The following CSMD2 variants were observed in gnomAD, a reference collection of about 807,000 sequenced individuals.
CSMD2 encodes CUB and sushi domain-containing protein 2.
A neutral mutation model predicts 398.5 loss-of-function variants in CSMD2; 130 were observed. That is an observed-to-expected ratio of 0.33 (90% CI 0.28 to 0.38). CSMD2 has a LOEUF of 0.38. Ranked by LOEUF, CSMD2 falls within the 10% of genes least tolerant of loss-of-function variation. The pLI is 1.00. For missense variants in CSMD2, 3,829 were observed against 4,764.9 expected (o/e 0.80, Z 5.78); for synonymous variants, 1,828 against 1,908.5 (o/e 0.96, Z 1.10).
intron 57 of CSMD2, among the ~76,000 whole-genome samples, chr1:33,543,700 T>TA (rs1391490074): frequency 6.6e-6 from 1 of 152,258 alleles, no homozygotes; most frequent in Non-Finnish European, 1.5e-5. Context: ...GGTGATATTC[T>TA]AATTCTATCC....
intron 41 of CSMD2, among the ~76,000 whole-genome samples, chr1:33,610,249 C>A (rs1178948110): frequency 9.0e-5 from 13 of 144,150 alleles, no homozygotes; most frequent in South Asian, 2.2e-4. Context: ...TTTTTACAAA[C>A]ATGAATTAGT....
chr1:33,737,110 G>C (rs180952558), intron 15 of CSMD2, among the ~76,000 whole-genome samples: 1 of 152,286 alleles, frequency 6.6e-6, no homozygotes, highest in African/African-American at 2.4e-5. Flanking sequence ...TTCCCCTGTT[G>C]CCAGTGAGGG....
chr1:33,890,069 A>C (rs1411077423), intron 5 of CSMD2, among the ~76,000 whole-genome samples: 1 of 152,108 alleles, frequency 6.6e-6, no homozygotes, highest in East Asian at 1.9e-4. Flanking sequence ...GAAATGAATC[A>C]AAATGTTCAT....
intron 25 of CSMD2, among the ~76,000 whole-genome samples, chr1:33,675,887 G>A (rs1470643395): frequency 6.6e-6 from 1 of 152,096 alleles, no homozygotes; most frequent in Admixed American, 6.5e-5. Context: ...ATGCAGAAAA[G>A]GCCTTTGACA....
At chr1:33,549,035 T>C (rs1473174961) in intron 56 of CSMD2, among the ~76,000 whole-genome samples, 1 of 152,176 alleles carries the variant, frequency 6.6e-6, no homozygotes, top group Non-Finnish European at 1.5e-5. Flanking sequence ...GTGTCTGGGA[T>C]TTCCTGGGCA....
At chr1:33,548,855 A>T (rs1369902659) in intron 56 of CSMD2, among the ~76,000 whole-genome samples, 1 of 152,154 alleles carries the variant, frequency 6.6e-6, no homozygotes, top group African/African-American at 2.4e-5. Context: ...TATCACTTCT[A>T]CCAGATGTCC....
intron 3 of CSMD2, among the ~76,000 whole-genome samples, chr1:34,014,989 T>C (rs915177843): frequency 2.0e-5 from 3 of 152,206 alleles, no homozygotes; most frequent in Non-Finnish European, 4.4e-5. Context: ...AAAGAAAATA[T>C]GTATTCTCCC....
At chr1:34,060,879 C>A (rs1002738782) in intron 2 of CSMD2, among the ~76,000 whole-genome samples, 10 of 152,114 alleles carry the variant, frequency 6.6e-5, no homozygotes, top group Non-Finnish European at 1.3e-4. Flanking sequence ...GTCCCTGTTC[C>A]TCCCCTAGCC....
At chr1:34,047,376 C>G (rs72667710) in intron 2 of CSMD2, among the ~76,000 whole-genome samples, 21 of 152,262 alleles carry the variant, frequency 1.4e-4, no homozygotes, top group Non-Finnish European at 2.2e-4. Context: ...TTCACATACC[C>G]TTTACACCGA....
chr1:33,724,794 G>T, intron 17 of CSMD2, 90 bp from the exon 18 acceptor site: 1 of 1,267,604 alleles, frequency 7.9e-7, no homozygotes, highest in Non-Finnish European at 1.1e-6. Context: ...AGAGAGCCCT[G>T]GTTTATTAAA....
At chr1:33,686,762 A>G (rs796994999) in intron 25 of CSMD2, among the ~76,000 whole-genome samples, 5 of 152,304 alleles carry the variant, frequency 3.3e-5, no homozygotes, top group African/African-American at 1.2e-4. Flanking sequence ...GCCCCTGGAA[A>G]TAGCCTCATC....
At chr1:33,649,513 A>C (rs1266093570) in intron 28 of CSMD2, among the ~76,000 whole-genome samples, 1 of 152,070 alleles carries the variant, frequency 6.6e-6, no homozygotes, top group Non-Finnish European at 1.5e-5. Flanking sequence ...GTGTGGTGGC[A>C]TGCACCTGTA....
intron 13 of CSMD2, among the ~76,000 whole-genome samples, chr1:33,764,577 C>G (rs1255978167): frequency 2.0e-5 from 3 of 152,168 alleles, no homozygotes; most frequent in East Asian, 3.9e-4. Flanking sequence ...CTGGGGCTAT[C>G]TGTAGGTCAA....
chr1:34,021,845 G>A (rs1408755000), intron 3 of CSMD2, among the ~76,000 whole-genome samples: 1 of 152,168 alleles, frequency 6.6e-6, no homozygotes, highest in African/African-American at 2.4e-5. Context: ...GCTAAGGGGT[G>A]GTTAGGAGCA....
chr1:34,145,812 G>A lies in CSMD2; in HGVS notation c.187+19099C>T, dbSNP rs531254269. On this transcript the variant is annotated intron_variant, in intron 1 of 70. Coordinates refer to ENST00000373381, the MANE Select transcript of CSMD2 (RefSeq NM_001281956.2). ...CCCAGGCTAGGGAGGGCTTCCAAGGGACCAGACGCCTGTTCTACCTGAAAC... is the reference window on the plus strand; with the variant it reads ...CCCAGGCTAGGGAGGGCTTCCAAGGAACCAGACGCCTGTTCTACCTGAAAC... Among the ~76,000 whole-genome samples, 8 of 152,256 alleles carry A rather than the reference G, an allele frequency of 5.3e-5. No homozygotes were observed. The South Asian group carries it at 8.3e-4, about 16-fold the overall frequency.
intron 5 of CSMD2, among the ~76,000 whole-genome samples, chr1:33,881,865 CA>C (rs1480231265): frequency 6.6e-6 from 1 of 152,100 alleles, no homozygotes; most frequent in Non-Finnish European, 1.5e-5. Context: ...CTATATTAAG[CA>C]TTTTCAAATT....
At chr1:33,639,164 G>A (rs1271319048) in intron 29 of CSMD2, among the ~76,000 whole-genome samples, 3 of 152,174 alleles carry the variant, frequency 2.0e-5, no homozygotes, top group Non-Finnish European at 2.9e-5. Flanking sequence ...ATCTTGGATC[G>A]GAGATAACGT....
At chr1:34,075,241 C>T (rs1032818484) in intron 2 of CSMD2, among the ~76,000 whole-genome samples, 1 of 152,220 alleles carries the variant, frequency 6.6e-6, no homozygotes, top group Non-Finnish European at 1.5e-5. Context: ...AGACTTTTCC[C>T]TCATCCCCAT....
chr1:33,750,804 T>C (rs1046300332), intron 13 of CSMD2, among the ~76,000 whole-genome samples: 1 of 152,162 alleles, frequency 6.6e-6, no homozygotes, highest in Non-Finnish European at 1.5e-5. Flanking sequence ...CTTCATTCCA[T>C]GTACCAGAGA....
Sources: allele counts gnomAD v4.1 joint callset (sites outside exome capture counted in the v4.1 genomes callset), GRCh38; gene constraint gnomAD v4.1.1; transcripts MANE v1.5; gene names NCBI Gene and HGNC (gene_info 2026-07-23, HGNC 2026-07-21).